ITFG1: variants seen among roughly 807,000 people sequenced by gnomAD.
ITFG1 encodes integrin alpha FG-GAP repeat containing 1, also known as T-cell immunomodulatory protein.
ITFG1 carries 34 observed loss-of-function variants against 81.8 expected under a neutral mutation model. That is an observed-to-expected ratio of 0.42 (90% CI 0.32 to 0.55). ITFG1 has a LOEUF of 0.55. Among genes scored for constraint, ITFG1 ranks in the 20% least tolerant of loss-of-function variants. The probability of loss-of-function intolerance (pLI) is 0.17; values close to 1 mark genes in which losing one functional copy is unlikely to be tolerated. For missense variants in ITFG1, 672 were observed against 755.4 expected (o/e 0.89, Z 1.29); for synonymous variants, 285 against 270.6 (o/e 1.05, Z -0.52).
chr16:47,451,517 C>T (rs1388735349), intron 4 of ITFG1, 47 bp from the exon 5 acceptor site: 4 of 1,032,862 alleles, frequency 3.9e-6, no homozygotes, highest in Non-Finnish European at 5.9e-6. Context: ...TAAATTCTTA[C>T]TTCTAATTTA....
chr16:47,288,912 G>T (rs1472731428), intron 10 of ITFG1, among the ~76,000 whole-genome samples: 1 of 151,998 alleles, frequency 6.6e-6, no homozygotes, highest in Admixed American at 6.6e-5. Flanking sequence ...AAGTAAAATG[G>T]GTATCCTTGT....
chr16:47,277,676 G>A (rs1404963286), intron 10 of ITFG1, among the ~76,000 whole-genome samples: 19 of 152,110 alleles, frequency 1.2e-4, no homozygotes. Flanking sequence ...ATTCACGTTT[G>A]GCTACTAAGG....
Position 47,311,242 on chromosome 16 carries a change from T to C in ITFG1, c.1068A>G (p.Gly356=). 1 of 1,602,594 alleles carries C rather than the reference T, an allele frequency of 6.2e-7. No homozygotes were observed. Among genetic ancestry groups the C allele is most frequent in the Non-Finnish European group, 8.5e-7 (1 of 1,174,230 alleles). ...DALVILKNTS[G]SNQQAFLLEN... Reference sequence around the variant, plus strand: ...CTCACTTGATTTAATTTCCTTACCTTCCAGATGTGTTCTTTAGTATGACCA... The same window carrying C: ...CTCACTTGATTTAATTTCCTTACCTCCCAGATGTGTTCTTTAGTATGACCA... The change falls in exon 10 of 18, where the codon GGA becomes GGG. Residue 356 remains glycine (G), a splice_region_variant and synonymous_variant. Transcript: ENST00000320640.
intron 2 of ITFG1, among the ~76,000 whole-genome samples, chr16:47,455,505 G>A (rs1227861789): frequency 1.3e-5 from 2 of 151,958 alleles, no homozygotes; most frequent in African/African-American, 2.4e-5. Context: ...GTTCACGCCT[G>A]TAATCCCAGC....
At chr16:47,404,214 T>C (rs1193597603) in intron 6 of ITFG1, among the ~76,000 whole-genome samples, 1 of 152,156 alleles carries the variant, frequency 6.6e-6, no homozygotes, top group East Asian at 1.9e-4. Context: ...GACCAGATTA[T>C]GGTAAGTGCA....
At chr16:47,286,365 C>T (rs1025270633) in intron 10 of ITFG1, among the ~76,000 whole-genome samples, 1 of 151,878 alleles carries the variant, frequency 6.6e-6, no homozygotes, top group African/African-American at 2.4e-5. Context: ...AGAGGCTGGG[C>T]GCGGTGGCTC....
chr16:47,227,241 C>T (rs1412960904), intron 13 of ITFG1, among the ~76,000 whole-genome samples: 3 of 152,200 alleles, frequency 2.0e-5, no homozygotes, highest in East Asian at 3.9e-4. Flanking sequence ...ATAGAAAATG[C>T]CAAGAGATCT....
intron 2 of ITFG1, 90 bp downstream of exon 2, chr16:47,459,013 G>C: frequency 1.2e-6 from 1 of 813,738 alleles, no homozygotes; most frequent in Non-Finnish European, 2.1e-6. Flanking sequence ...CAACACTAAG[G>C]CTGACTTTAA....
intron 14 of ITFG1, among the ~76,000 whole-genome samples, chr16:47,164,333 A>G (rs908660105): frequency 6.6e-6 from 1 of 152,130 alleles, no homozygotes; most frequent in Non-Finnish European, 1.5e-5. Context: ...GTGGTCAGCC[A>G]GTGATTTGTT....
At chr16:47,156,775 A>G (rs1964716621) in intron 17 of ITFG1, among the ~76,000 whole-genome samples, 1 of 152,216 alleles carries the variant, frequency 6.6e-6, no homozygotes, top group Non-Finnish European at 1.5e-5. Context: ...GGCTGGAAGG[A>G]GCACGGATAT....
At chr16:47,434,637 G>A (rs1263857561) in intron 5 of ITFG1, among the ~76,000 whole-genome samples, 1 of 152,178 alleles carries the variant, frequency 6.6e-6, no homozygotes, top group Non-Finnish European at 1.5e-5. Flanking sequence ...AGAAGACAGT[G>A]TGGTGATTCC....
intron 14 of ITFG1, among the ~76,000 whole-genome samples, chr16:47,172,600 C>T (rs985591231): frequency 2.2e-4 from 34 of 151,998 alleles, no homozygotes; most frequent in Admixed American, 7.9e-4. Context: ...GCCAGTAACC[C>T]TATAGTTATA....
At chr16:47,371,876 A>G (rs919907362) in intron 7 of ITFG1, among the ~76,000 whole-genome samples, 2 of 151,884 alleles carry the variant, frequency 1.3e-5, no homozygotes, top group African/African-American at 2.4e-5. Flanking sequence ...AAATTCTGAC[A>G]TAAAGGGTGC....
At chr16:47,278,457 T>A (rs896553509) in intron 10 of ITFG1, among the ~76,000 whole-genome samples, 1 of 152,160 alleles carries the variant, frequency 6.6e-6, no homozygotes, top group African/African-American at 2.4e-5. Context: ...TGCTGCTACC[T>A]CGCTCCACAT....
chr16:47,414,190 C>T (rs748817241), intron 6 of ITFG1, among the ~76,000 whole-genome samples: 1 of 152,016 alleles, frequency 6.6e-6, no homozygotes, highest in African/African-American at 2.4e-5. Flanking sequence ...TACATAAATG[C>T]CCACCAAGAG....
intron 10 of ITFG1, among the ~76,000 whole-genome samples, chr16:47,278,773 C>T (rs1425544018): frequency 6.6e-6 from 1 of 152,098 alleles, no homozygotes; most frequent in Non-Finnish European, 1.5e-5. Flanking sequence ...AATAACTCAG[C>T]AACTGGAGTG....
chr16:47,403,430 G>A (rs537826821), intron 6 of ITFG1, among the ~76,000 whole-genome samples: 6 of 152,042 alleles, frequency 3.9e-5, no homozygotes, highest in South Asian at 4.2e-4. Flanking sequence ...AGGAGGTTAG[G>A]GGGTGACGCT....
In ITFG1 at chr16:47,434,430, C is replaced by A. The variant is rs117644107; in HGVS notation, c.561-5532G>T. 0.015 allele frequency among the ~76,000 whole-genome samples: 2,331 copies of A among 151,162 alleles called. 105 individuals carry two copies. The East Asian group carries it at 0.18, about 12-fold the overall frequency. On this transcript the variant is annotated intron_variant, in intron 5 of 17. Coordinates refer to ENST00000320640, the MANE Select transcript of ITFG1 (RefSeq NM_030790.5). The stretch of plus-strand genomic sequence containing the variant: ...TTCTCAAAAGATGACATTCCTGTGG[C>A]CAAAAAACACGAAAAAAAAGCTCAA...
At chr16:47,238,533 G>C (rs1007987857) in intron 12 of ITFG1, among the ~76,000 whole-genome samples, 1 of 151,942 alleles carries the variant, frequency 6.6e-6, no homozygotes, top group African/African-American at 2.4e-5. Context: ...ACAAAATAAT[G>C]ATAAATTTAT....
Sources: gnomAD v4.1 joint callset for allele counts (sites outside exome capture counted in the v4.1 genomes callset) on GRCh38, gnomAD v4.1.1 for gene constraint, MANE v1.5 for transcripts, NCBI Gene and HGNC (gene_info 2026-07-23, HGNC 2026-07-21) for gene names.